Variants in NUP155 observed in about 807,000 individuals in gnomAD.
NUP155 encodes nucleoporin 155.
In NUP155, 71 loss-of-function variants were observed where a neutral mutation model predicts 180.4. That is an observed-to-expected ratio of 0.39 (90% CI 0.33 to 0.48). The LOEUF (loss-of-function observed/expected upper bound fraction) is 0.48, where lower values mean the gene tolerates loss of function less well. Ranked by LOEUF, NUP155 falls within the 20% of genes least tolerant of loss-of-function variation. The probability of loss-of-function intolerance (pLI) is 0.91; values close to 1 mark genes in which losing one functional copy is unlikely to be tolerated. For missense variants in NUP155, 1,553 were observed against 1,648.9 expected, an observed-to-expected ratio of 0.94 and a Z score of 1.01; for synonymous variants, 582 against 559.5, an observed-to-expected ratio of 1.04 and a Z score of -0.57.
At chr5:37,333,031 G>A (rs1745081447) in intron 13 of NUP155, among the ~76,000 whole-genome samples, 1 of 152,068 alleles carries the variant, frequency 6.6e-6, no homozygotes, top group South Asian at 2.1e-4. Context: ...TTGTGTGCCT[G>A]GGAAAAATCT....
At chr5:37,352,686 T>C in intron 5 of NUP155, 51 bp downstream of exon 5, 1 of 1,209,360 alleles carries the variant, frequency 8.3e-7, no homozygotes, top group Non-Finnish European at 1.2e-6. Flanking sequence ...GTAATATCAA[T>C]TGGCCAAAAT....
In NUP155 at chr5:37,341,127, T is replaced by G. The variant is rs771411930; in HGVS notation, c.1209A>C (p.Glu403Asp). The G allele has an allele frequency of 6.2e-7, 1 of 1,613,888 alleles. No homozygotes were observed. The highest frequency in any genetic ancestry group is 8.5e-7 in the Non-Finnish European group (1 of 1,179,868). The change falls in exon 11 of 35, where the codon GAA becomes GAC. Residue 403 changes from glutamate to aspartate, a missense_variant. Physicochemically the swap from Glu to Asp is conservative, Grantham distance 45. Transcript: ENST00000231498. The part of the protein sequence containing the change: ...PPGFSASSTV[E>D]KPSKVHRALY... ...GAGCTCTATGTACTTTTGAAGGCTT[T>G]TCCACGGTTGAAGATGCTGAGAATC...
chr5:37,330,270 G>C, intron 14 of NUP155, 138 bp from the exon 15 acceptor site: 1 of 678,626 alleles, frequency 1.5e-6, no homozygotes, highest in South Asian at 1.6e-5. Flanking sequence ...AATGAAATCA[G>C]TTAGTGTTAA....
intron 4 of NUP155, 113 bp from the exon 5 acceptor site, chr5:37,352,942 G>A (rs1000261755): frequency 5.6e-6 from 4 of 708,154 alleles, no homozygotes; most frequent in Non-Finnish European, 2.5e-6. Context: ...GAAAAGTCTG[G>A]ATGCAGTTTA....
intron 20 of NUP155, among the ~76,000 whole-genome samples, chr5:37,319,799 A>C (rs189683718): frequency 3.3e-5 from 5 of 152,150 alleles, no homozygotes; most frequent in African/African-American, 1.2e-4. Flanking sequence ...TGAAGCTGGG[A>C]GGTCAAAGTT....
intron 3 of NUP155, among the ~76,000 whole-genome samples, chr5:37,361,339 G>GAAA (rs1041918077): frequency 6.7e-6 from 1 of 149,622 alleles, no homozygotes; most frequent in Non-Finnish European, 1.5e-5. Flanking sequence ...GATAACAGCT[G>GAAA]AAAAAAATTC....
At chr5:37,317,663 A>G (rs1743983743) in intron 21 of NUP155, among the ~76,000 whole-genome samples, 1 of 149,440 alleles carries the variant, frequency 6.7e-6, no homozygotes, top group Non-Finnish European at 1.5e-5. Context: ...ATTAATATCC[A>G]TATTATCCTA....
At chr5:37,340,910 G>A (rs1179612656) in intron 11 of NUP155, among the ~76,000 whole-genome samples, 180 bp downstream of exon 11, 1 of 152,096 alleles carries the variant, frequency 6.6e-6, no homozygotes, top group African/African-American at 2.4e-5. Context: ...CATCACTCAG[G>A]TACTGAGCAT....
At chr5:37,353,251 CAT>C (rs369938145) in intron 4 of NUP155, among the ~76,000 whole-genome samples, 5 of 151,386 alleles carry the variant, frequency 3.3e-5, no homozygotes, top group East Asian at 1.9e-4. Flanking sequence ...AAAAAAATGA[CAT>C]ATATATATAT....
chr5:37,363,605 G>A (rs913524037), intron 3 of NUP155, among the ~76,000 whole-genome samples: 7 of 152,002 alleles, frequency 4.6e-5, no homozygotes, highest in African/African-American at 7.2e-5. Flanking sequence ...TTTTTACTAC[G>A]GGCTAACAGC....
At chr5:37,348,659 CTTTCT>C (rs1262412680) in intron 8 of NUP155, 63 bp from the exon 9 acceptor site, 32 of 960,066 alleles carry the variant, frequency 3.3e-5, no homozygotes, top group Non-Finnish European at 4.4e-5. Context: ...TTATTAAACT[CTTTCT>C]TTTAAGGGAT....
intron 25 of NUP155, among the ~76,000 whole-genome samples, chr5:37,305,826 T>C (rs764208293): frequency 1.4e-4 from 21 of 152,038 alleles, no homozygotes; most frequent in Admixed American, 4.6e-4. Flanking sequence ...TGAGCTATTA[T>C]CATGCCACTG....
chr5:37,311,974 T>A (rs746018904), intron 22 of NUP155, among the ~76,000 whole-genome samples: 2 of 152,120 alleles, frequency 1.3e-5, no homozygotes, highest in Non-Finnish European at 2.9e-5. Flanking sequence ...TGATCTCAGA[T>A]TGCTCCACAG....
chr5:37,300,660 T>A (rs1231144671), intron 30 of NUP155, among the ~76,000 whole-genome samples: 1 of 142,918 alleles, frequency 7.0e-6, no homozygotes, highest in Admixed American at 6.8e-5. Context: ...GGTTTTTTAG[T>A]TTTTTTTTCT....
At chr5:37,361,253 G>C (rs548798676) in intron 3 of NUP155, among the ~76,000 whole-genome samples, 5 of 118,718 alleles carry the variant, frequency 4.2e-5, no homozygotes, top group Admixed American at 9.6e-5. Flanking sequence ...GCGACAGAGC[G>C]AGACTCTGTC....
At chr5:37,324,790 C>T (rs1581162296) in intron 19 of NUP155, among the ~76,000 whole-genome samples, 1 of 152,124 alleles carries the variant, frequency 6.6e-6, no homozygotes, top group East Asian at 1.9e-4. Context: ...TGGGCTCAAG[C>T]CTTCCAAAGC....
At chr5:37,295,321 T>C (rs1042553709) in intron 32 of NUP155, among the ~76,000 whole-genome samples, 5 of 152,192 alleles carry the variant, frequency 3.3e-5, no homozygotes, top group Non-Finnish European at 5.9e-5. Flanking sequence ...GGTGCCGGGA[T>C]TGCAGACGGA....
At chr5:37,315,542 A>G in intron 21 of NUP155, among the ~76,000 whole-genome samples, 1 of 144,174 alleles carries the variant, frequency 6.9e-6, no homozygotes, top group South Asian at 2.1e-4. Flanking sequence ...ATGAGATGCC[A>G]TTCCATGTTC....
At chr5:37,342,230 G>T (rs1169477206) in intron 10 of NUP155, among the ~76,000 whole-genome samples, 3 of 152,050 alleles carry the variant, frequency 2.0e-5, no homozygotes, top group Non-Finnish European at 4.4e-5. Context: ...GTAGAGACGG[G>T]GTTACAGGGT....
Sources: gnomAD v4.1 joint callset for allele counts (sites outside exome capture counted in the v4.1 genomes callset) on GRCh38, gnomAD v4.1.1 for gene constraint, MANE v1.5 for transcripts, NCBI Gene and HGNC (gene_info 2026-07-23, HGNC 2026-07-21) for gene names.